PTPRT: variants seen among roughly 807,000 people sequenced by gnomAD.
PTPRT encodes receptor-type tyrosine-protein phosphatase T.
In PTPRT, 56 loss-of-function variants were observed where a neutral mutation model predicts 176.8. The ratio of observed to expected loss-of-function variants is 0.32; its 90% CI spans 0.26 to 0.40. The LOEUF (loss-of-function observed/expected upper bound fraction) is 0.40, where lower values mean the gene tolerates loss of function less well. PTPRT is among the 10% of genes least tolerant of loss of function. The pLI, the probability that PTPRT is intolerant of heterozygous loss-of-function variation, is 1.00. For synonymous variants in PTPRT, 783 were observed against 739.0 expected (o/e 1.06, Z -0.96); for missense variants, 1,540 against 1,908.2 (o/e 0.81, Z 3.60).
intron 17 of PTPRT, among the ~76,000 whole-genome samples, chr20:42,155,627 CTTCAA>C (rs1248347408): frequency 6.6e-6 from 1 of 152,180 alleles, no homozygotes; most frequent in Non-Finnish European, 1.5e-5. Context: ...CATTTTGACT[CTTCAA>C]TTCAAGATAG....
At chr20:43,063,542 C>T (rs573595028) in intron 1 of PTPRT, 12 of 152,320 alleles carry the variant, frequency 7.9e-5, no homozygotes, top group Admixed American at 7.8e-4. Context: ...CTGCGCTCCC[C>T]TGATAGAACC....
At chr20:42,243,867 T>C (rs1223970086) in intron 14 of PTPRT, among the ~76,000 whole-genome samples, 1 of 152,228 alleles carries the variant, frequency 6.6e-6, no homozygotes, top group African/African-American at 2.4e-5. Flanking sequence ...TTATTAGGAA[T>C]ATTAAAATCA....
At chr20:42,037,531 C>A in the PTPRT span, among the ~76,000 whole-genome samples, 1 of 152,174 alleles carries the variant, frequency 6.6e-6, no homozygotes, top group African/African-American at 2.4e-5. Flanking sequence ...GGTTTGTGAG[C>A]AACACCCAGT....
chr20:42,066,969 T>C, the PTPRT span, among the ~76,000 whole-genome samples: 4 of 152,192 alleles, frequency 2.6e-5, no homozygotes, highest in African/African-American at 9.7e-5. Context: ...TTTCTTTTTT[T>C]TGGCAGAGAC....
chr20:42,655,005 A>G (rs919684352), intron 7 of PTPRT, among the ~76,000 whole-genome samples: 1 of 152,210 alleles, frequency 6.6e-6, no homozygotes, highest in African/African-American at 2.4e-5. Context: ...TGACAATTCA[A>G]TGGATCCAAT....
intron 2 of PTPRT, among the ~76,000 whole-genome samples, chr20:42,850,616 C>G (rs1458942447): frequency 6.6e-6 from 1 of 152,218 alleles, no homozygotes; most frequent in Non-Finnish European, 1.5e-5. Flanking sequence ...TTGCTATACA[C>G]CCACTGCACT....
At chr20:42,610,213 T>C (rs1284406217) in intron 7 of PTPRT, among the ~76,000 whole-genome samples, 4 of 152,206 alleles carry the variant, frequency 2.6e-5, no homozygotes, top group Non-Finnish European at 4.4e-5. Context: ...TGATAGAAAC[T>C]TAGACTTTTA....
chr20:43,186,125 A>T (rs1333359787), intron 1 of PTPRT, among the ~76,000 whole-genome samples: 1 of 152,146 alleles, frequency 6.6e-6, no homozygotes, highest in Non-Finnish European at 1.5e-5. Flanking sequence ...CACTCTGCAT[A>T]TTGCATCTTA....
chr20:42,736,927 C>T (rs1262447118), intron 6 of PTPRT, among the ~76,000 whole-genome samples: 1 of 152,162 alleles, frequency 6.6e-6, no homozygotes, highest in Non-Finnish European at 1.5e-5. Context: ...AGGTGCAGAC[C>T]TCTGTATGGG....
intron 7 of PTPRT, among the ~76,000 whole-genome samples, chr20:42,520,128 T>C (rs534032828): frequency 6.6e-6 from 1 of 152,262 alleles, no homozygotes; most frequent in Admixed American, 6.5e-5. Flanking sequence ...ATGAAACTTC[T>C]CAACTTTTTT....
chr20:43,127,239 T>A (rs558742532), intron 1 of PTPRT, among the ~76,000 whole-genome samples: 17 of 151,944 alleles, frequency 1.1e-4, no homozygotes, highest in African/African-American at 2.9e-4. Flanking sequence ...CTGGCTAACA[T>A]GGTGAAACCC....
At chr20:42,665,949 G>C (rs1600574608) in intron 7 of PTPRT, among the ~76,000 whole-genome samples, 1 of 131,178 alleles carries the variant, frequency 7.6e-6, no homozygotes, top group Admixed American at 8.0e-5. Context: ...GTTGTGGGGT[G>C]GGGGGAGGGG....
chr20:42,249,407 C>T (rs2146917572), intron 13 of PTPRT, among the ~76,000 whole-genome samples: 1 of 152,300 alleles, frequency 6.6e-6, no homozygotes, highest in South Asian at 2.1e-4. Context: ...CCATTTTTAG[C>T]ATTTAATACT....
intron 7 of PTPRT, among the ~76,000 whole-genome samples, chr20:42,674,886 C>T (rs6102985): frequency 0.45 from 67,646 of 149,922 alleles, 16,170 homozygotes; most frequent in African/African-American, 0.66. Context: ...ACAACTCTTG[C>T]TTTGAAAACG....
rs55873681 is a variant in PTPRT at position 42,676,538 on chromosome 20, G to GCTCT, written c.1153+1324_1153+1327dup. Among the ~76,000 whole-genome samples, 479 of 148,696 alleles carry GCTCT rather than the reference G, an allele frequency of 3.2e-3. 2 individuals carry two copies. The highest frequency in any genetic ancestry group is 0.017 in the Middle Eastern group (5 of 294). ...GAACATCCCCAGCTGTATATACAAT[G>GCTCT]CTCTCTCTCTCTCTCTCTCTCTCTC... On this transcript the variant is annotated intron_variant, in intron 7 of 30. Coordinates refer to ENST00000373187, the MANE Select transcript of PTPRT (RefSeq NM_007050.6).
At chr20:42,661,174 A>C (rs1569063629) in intron 7 of PTPRT, among the ~76,000 whole-genome samples, 1 of 152,158 alleles carries the variant, frequency 6.6e-6, no homozygotes, top group Non-Finnish European at 1.5e-5. Context: ...AATGGTTAAA[A>C]TGGAGAGTGA....
intron 27 of PTPRT, among the ~76,000 whole-genome samples, chr20:42,093,485 C>G (rs966868659): frequency 9.2e-5 from 14 of 152,132 alleles, no homozygotes; most frequent in South Asian, 2.1e-4. Flanking sequence ...AAATTTGGGG[C>G]TGACTAAATG....
chr20:42,425,718 C>T (rs920920227), intron 9 of PTPRT, among the ~76,000 whole-genome samples: 1 of 152,086 alleles, frequency 6.6e-6, no homozygotes, highest in Non-Finnish European at 1.5e-5. Flanking sequence ...ATGTTGCACA[C>T]CCTAAACAGA....
rs1445591929 is a variant in PTPRT, at chr20:42,956,313, A to T, written c.89-70381T>A. ...GTGGGATCCTCATGAATGGTTCAGC[A>T]CCTCCTTTTGGTGCTCTCCTCGCAA... On this transcript the variant is annotated intron_variant, in intron 1 of 30. Coordinates refer to ENST00000373187, the MANE Select transcript of PTPRT (RefSeq NM_007050.6). 2.6e-5 allele frequency among the ~76,000 whole-genome samples: 4 copies of T among 151,992 alleles called. No individual in the cohort carries two copies. The East Asian group carries it at 7.7e-4, about 29-fold the overall frequency.
Sources: gnomAD v4.1 joint callset for allele counts (sites outside exome capture counted in the v4.1 genomes callset) on GRCh38, gnomAD v4.1.1 for gene constraint, MANE v1.5 for transcripts, NCBI Gene and HGNC (gene_info 2026-07-23, HGNC 2026-07-21) for gene names.